Variants in ERBB4 observed in about 807,000 individuals in gnomAD.
ERBB4 encodes erb-b2 receptor tyrosine kinase 4, also known as receptor tyrosine-protein kinase erbB-4.
A neutral mutation model predicts 158.0 loss-of-function variants in ERBB4; 42 were observed. That is an observed-to-expected ratio of 0.27 (90% confidence interval 0.21 to 0.34). ERBB4 has a LOEUF of 0.34. ERBB4 is among the 10% of genes least tolerant of loss of function. The pLI is 1.00. For missense variants in ERBB4, 1,333 were observed against 1,624.1 expected (o/e 0.82, Z 3.08); for synonymous variants, 583 against 558.7 (o/e 1.04, Z -0.61).
intron 4 of ERBB4, among the ~76,000 whole-genome samples, chr2:211,782,748 C>A (rs528389523): frequency 3.4e-4 from 51 of 152,236 alleles, no homozygotes; most frequent in Admixed American, 2.9e-3. Context: ...GTTTTGGTAC[C>A]AGTACCATGC....
chr2:211,388,430 T>C (rs933146165), intron 25 of ERBB4, among the ~76,000 whole-genome samples: 3 of 152,188 alleles, frequency 2.0e-5, no homozygotes, highest in Admixed American at 1.3e-4. Context: ...TGGAAGGAGA[T>C]GGCAGGAGAT....
intron 1 of ERBB4, among the ~76,000 whole-genome samples, chr2:212,280,501 A>G (rs2085714575): frequency 1.3e-5 from 2 of 151,666 alleles, no homozygotes; most frequent in Non-Finnish European, 3.0e-5. Flanking sequence ...AATATTCTAC[A>G]TCTTAAATTT....
At chr2:212,519,792 G>T (rs1192987210) in intron 1 of ERBB4, among the ~76,000 whole-genome samples, 1 of 151,858 alleles carries the variant, frequency 6.6e-6, no homozygotes, top group African/African-American at 2.4e-5. Flanking sequence ...AATATAGAGA[G>T]AGGTTGGTTA....
At chr2:212,350,141 A>G (rs2089189281) in intron 1 of ERBB4, among the ~76,000 whole-genome samples, 1 of 152,142 alleles carries the variant, frequency 6.6e-6, no homozygotes, top group African/African-American at 2.4e-5. Flanking sequence ...AGGCATTCCA[A>G]CAAAAAGTGC....
chr2:211,562,492 A>G (rs2067424324), intron 19 of ERBB4, among the ~76,000 whole-genome samples: 1 of 152,182 alleles, frequency 6.6e-6, no homozygotes, highest in African/African-American at 2.4e-5. Context: ...TTGCAGGTAG[A>G]GTAAGGTGAG....
intron 20 of ERBB4, among the ~76,000 whole-genome samples, chr2:211,472,852 C>A (rs1318610863): frequency 6.6e-6 from 1 of 151,780 alleles, no homozygotes; most frequent in Non-Finnish European, 1.5e-5. Context: ...GCTCCTGGTT[C>A]AGTAGGTATA....
At chr2:212,399,968 T>TG (rs1290915843) in intron 1 of ERBB4, among the ~76,000 whole-genome samples, 12 of 151,930 alleles carry the variant, frequency 7.9e-5, no homozygotes, top group African/African-American at 2.4e-5. Flanking sequence ...TGAGAGTCTA[T>TG]GGGGGCGGAG....
intron 1 of ERBB4, among the ~76,000 whole-genome samples, chr2:212,381,594 G>T (rs997513144): frequency 3.3e-5 from 5 of 151,144 alleles, no homozygotes; most frequent in African/African-American, 4.8e-5. Context: ...AGTTAAAATT[G>T]GGCTCTCTGC....
At chr2:211,836,393 A>G (rs10932403) in intron 3 of ERBB4, among the ~76,000 whole-genome samples, 17,200 of 152,148 alleles carry the variant, frequency 0.11, 1,253 homozygotes, top group Non-Finnish European at 0.15. Context: ...ATGAAGGGTT[A>G]CACAGAGAGC....
intron 1 of ERBB4, among the ~76,000 whole-genome samples, chr2:212,302,925 G>A (rs780215491): frequency 5.9e-5 from 9 of 151,346 alleles, no homozygotes; most frequent in Non-Finnish European, 1.2e-4. Flanking sequence ...ATTCACTCCT[G>A]AAAAGGTGTT....
chr2:212,443,526 T>C (rs1364610915), intron 1 of ERBB4, among the ~76,000 whole-genome samples: 1 of 152,214 alleles, frequency 6.6e-6, no homozygotes, highest in Non-Finnish European at 1.5e-5. Context: ...CTGGTAGGCC[T>C]ATATGGATTT....
At chr2:212,420,893 A>C in intron 1 of ERBB4, among the ~76,000 whole-genome samples, 1 of 152,182 alleles carries the variant, frequency 6.6e-6, no homozygotes, top group East Asian at 1.9e-4. Flanking sequence ...GTTTACTGAA[A>C]GAATGGCTAG....
chr2:211,798,104 G>T (rs545232743), intron 3 of ERBB4, among the ~76,000 whole-genome samples: 1 of 151,902 alleles, frequency 6.6e-6, no homozygotes, highest in South Asian at 2.1e-4. Flanking sequence ...TAAAGACACA[G>T]CATATCTCTA....
At chr2:211,915,005 G>T (rs1575369373) in intron 3 of ERBB4, among the ~76,000 whole-genome samples, 1 of 151,992 alleles carries the variant, frequency 6.6e-6, no homozygotes, top group Non-Finnish European at 1.5e-5. Flanking sequence ...AAGATTTTTT[G>T]TTAGCAGGCA....
At chr2:212,528,073 A>T (rs1231856671) in intron 1 of ERBB4, among the ~76,000 whole-genome samples, 1 of 152,058 alleles carries the variant, frequency 6.6e-6, no homozygotes, top group Non-Finnish European at 1.5e-5. Flanking sequence ...AATCTGAAGA[A>T]TACAATGGAG....
chr2:212,057,396 C>A (rs2077613165), intron 2 of ERBB4, among the ~76,000 whole-genome samples: 1 of 152,010 alleles, frequency 6.6e-6, no homozygotes, highest in Non-Finnish European at 1.5e-5. Flanking sequence ...ACAAGGGTAA[C>A]CAGGAATTGA....
At chr2:211,664,365 G>T (rs562328234) in intron 15 of ERBB4, among the ~76,000 whole-genome samples, 9 of 151,272 alleles carry the variant, frequency 5.9e-5, no homozygotes, top group African/African-American at 2.0e-4. Flanking sequence ...GTCTGTATGC[G>T]TCTGTGTGTG....
chr2:211,959,185 G>GT (rs2081108936), intron 2 of ERBB4, among the ~76,000 whole-genome samples: 1 of 151,686 alleles, frequency 6.6e-6, no homozygotes, highest in East Asian at 1.9e-4. Flanking sequence ...AATGTTTATT[G>GT]TCCCCCTCTA....
intron 15 of ERBB4, among the ~76,000 whole-genome samples, chr2:211,663,768 A>G (rs1366408438): frequency 1.3e-5 from 2 of 152,202 alleles, no homozygotes; most frequent in South Asian, 4.1e-4. Context: ...TGACATCAAC[A>G]TTATATTGAA....
Sources: allele counts gnomAD v4.1 joint callset (sites outside exome capture counted in the v4.1 genomes callset), GRCh38; gene constraint gnomAD v4.1.1; transcripts MANE v1.5; gene names NCBI Gene and HGNC (gene_info 2026-07-23, HGNC 2026-07-21).